GADL1: variants seen among roughly 807,000 people sequenced by gnomAD.
GADL1 encodes GAD like acidic amino acid decarboxylase 1, also known as acidic amino acid decarboxylase GADL1.
In GADL1, 71 loss-of-function variants were observed where a neutral mutation model predicts 69.5. The ratio of observed to expected loss-of-function variants is 1.02; its 90% CI spans 0.84 to 1.25. The LOEUF is 1.25. Among genes scored for constraint, GADL1 ranks in the 50% most tolerant of loss-of-function variants. GADL1 has a pLI of 0.00. For synonymous variants in GADL1, 254 were observed against 214.4 expected (o/e 1.18, Z -1.62); for missense variants, 737 against 631.8 (o/e 1.17, Z -1.79).
At chr3:30,739,414 C>T (rs147405879) in intron 14 of GADL1, among the ~76,000 whole-genome samples, 92 of 152,238 alleles carry the variant, frequency 6.0e-4, no homozygotes, top group Non-Finnish European at 1.1e-3. Flanking sequence ...TGTATCTTAT[C>T]TTGTTTATAG....
chr3:30,747,885 A>G (rs1695731892), intron 14 of GADL1, among the ~76,000 whole-genome samples: 1 of 152,138 alleles, frequency 6.6e-6, no homozygotes, highest in Non-Finnish European at 1.5e-5. Flanking sequence ...TTCCTGATTC[A>G]CAGCACCAGC....
At chr3:30,829,897 C>T (rs1697759350) in intron 11 of GADL1, among the ~76,000 whole-genome samples, 1 of 151,644 alleles carries the variant, frequency 6.6e-6, no homozygotes, top group Non-Finnish European at 1.5e-5. Context: ...CAAATAGTAA[C>T]TATATAAGCA....
intron 1 of GADL1, among the ~76,000 whole-genome samples, chr3:30,867,597 C>T (rs991513963): frequency 2.6e-5 from 4 of 151,730 alleles, no homozygotes; most frequent in East Asian, 1.9e-4. Flanking sequence ...GGGTTTAATT[C>T]AGTTGAATTG....
Position 30,857,120 on chromosome 3 carries a change from C to T in GADL1, c.232G>A (p.Glu78Lys), listed in dbSNP as rs1698240919. 1.3e-6 allele frequency: 2 copies of T among 1,550,162 alleles called. No homozygotes were observed. The highest frequency in any genetic ancestry group is 2.0e-5 in the Admixed American group (1 of 50,926). ...AAATCAAGAAGCTGTTTCAGTTGTT[C>T]AGGAGGCCTCCATTCACACACCTGG... ...NEKVCEWRPP[E>K]QLKQLLDLEM... Residue 78 changes from glutamate to lysine, a missense_variant, in exon 3 of 15, where the codon GAA becomes AAA. Glu to Lys is a moderately conservative substitution (Grantham distance 56). Transcript: ENST00000282538.
intron 1 of GADL1, among the ~76,000 whole-genome samples, chr3:30,888,440 C>A (rs1202909352): frequency 1.3e-5 from 2 of 152,078 alleles, no homozygotes; most frequent in African/African-American, 2.4e-5. Flanking sequence ...CCTCAGGAAT[C>A]CTCAGAAGCT....
At chr3:30,827,381 T>C (rs72849879) in intron 11 of GADL1, among the ~76,000 whole-genome samples, 33,592 of 151,108 alleles carry the variant, frequency 0.22, 8,493 homozygotes, top group African/African-American at 0.6. Flanking sequence ...GATAGTACAA[T>C]CACAATTACA....
rs751804637 is a variant in GADL1 at position 30,844,399 on chromosome 3, T to A, written c.719A>T (p.Glu240Val). The A allele has an allele frequency of 6.2e-7, 1 of 1,613,058 alleles. No individual in the cohort carries two copies. Among genetic ancestry groups the A allele is most frequent in the Admixed American group, 1.7e-5 (1 of 60,024 alleles). ...GIGTENVCFV[E>V]TDGRGKMIPE... ...CTGTTCCCATTACCTTCCATCTGTT[T>A]CCACAAAGCAAACATTCTCAGTGCC... Residue 240 changes from glutamate (E) to valine (V), a missense_variant, in exon 7 of 15, where the codon GAA becomes GTA. Physicochemically the swap from Glu to Val is moderately radical, Grantham distance 121 (BLOSUM62 -2). Coordinates refer to ENST00000282538, the MANE Select transcript of GADL1 (RefSeq NM_207359.3).
intron 13 of GADL1, among the ~76,000 whole-genome samples, chr3:30,780,812 T>C (rs1401384051): frequency 6.6e-6 from 1 of 152,200 alleles, no homozygotes; most frequent in Non-Finnish European, 1.5e-5. Flanking sequence ...CTTCACTTCA[T>C]TGGAAGAAAT....
intron 11 of GADL1, among the ~76,000 whole-genome samples, chr3:30,830,594 A>G (rs1226398037): frequency 6.6e-6 from 1 of 151,844 alleles, no homozygotes; most frequent in Admixed American, 6.6e-5. Flanking sequence ...TCAATGCTAA[A>G]GTTTTTCAGG....
Position 30,865,950 on chromosome 3 carries a change from A to T in GADL1, c.38-4185T>A, listed in dbSNP as rs529855833. Among the ~76,000 whole-genome samples, 46 of 152,058 alleles carry T rather than the reference A, an allele frequency of 3.0e-4. No homozygotes were observed. In the South Asian group the frequency reaches 3.3e-3, roughly 11 times the overall value. On this transcript the variant is annotated intron_variant, in intron 1 of 14. Coordinates refer to ENST00000282538, the MANE Select transcript of GADL1 (RefSeq NM_207359.3). ...CATAGCTTCCAAAATTCTGTATAGG[A>T]TCAACTTTTGCTTTGTTCAGAGAGA... is the stretch of plus-strand genomic sequence containing the variant.
At chr3:30,871,586 T>C (rs1698482179) in intron 1 of GADL1, among the ~76,000 whole-genome samples, 1 of 151,854 alleles carries the variant, frequency 6.6e-6, no homozygotes, top group African/African-American at 2.4e-5. Context: ...AATCACTCTG[T>C]GCATCAGCAC....
chr3:30,756,957 G>A (rs903368002), intron 14 of GADL1, among the ~76,000 whole-genome samples: 1 of 152,170 alleles, frequency 6.6e-6, no homozygotes, highest in African/African-American at 2.4e-5. Context: ...GGGGGGACAT[G>A]TCAAAGGAGA....
intron 2 of GADL1, among the ~76,000 whole-genome samples, chr3:30,857,715 A>G (rs1698252328): frequency 6.6e-6 from 1 of 151,954 alleles, no homozygotes; most frequent in Non-Finnish European, 1.5e-5. Flanking sequence ...CTTTCAAAGT[A>G]AAACCTGAGG....
At chr3:30,794,332 A>G (rs1575208531) in intron 12 of GADL1, among the ~76,000 whole-genome samples, 1 of 152,280 alleles carries the variant, frequency 6.6e-6, no homozygotes, top group South Asian at 2.1e-4. Flanking sequence ...TGACTCTTCT[A>G]GCCTGCTTGA....
intron 14 of GADL1, among the ~76,000 whole-genome samples, chr3:30,755,736 AATT>A (rs952504616): frequency 1.3e-5 from 2 of 148,236 alleles, no homozygotes; most frequent in Non-Finnish European, 3.0e-5. Flanking sequence ...TTCAATAAAT[AATT>A]GTTAAACGAA....
chr3:30,761,160 C>CAATATAAAGA (rs1696119664), intron 14 of GADL1, among the ~76,000 whole-genome samples: 1 of 152,176 alleles, frequency 6.6e-6, no homozygotes, highest in East Asian at 1.9e-4. Flanking sequence ...GCTTTATTTA[C>CAATATAAAGA]TTTAATAAAA....
intron 14 of GADL1, among the ~76,000 whole-genome samples, chr3:30,768,165 C>T (rs1696329533): frequency 6.6e-6 from 1 of 151,912 alleles, no homozygotes; most frequent in Admixed American, 6.6e-5. Flanking sequence ...TAATCAGGCT[C>T]AAAGCTGCAT....
intron 11 of GADL1, among the ~76,000 whole-genome samples, chr3:30,815,878 A>G (rs898076255): frequency 1.3e-5 from 2 of 152,142 alleles, no homozygotes; most frequent in African/African-American, 2.4e-5. Context: ...AAAAGCATGG[A>G]TTGCGGACTA....
chr3:30,795,028 A>T (rs1697004163), intron 12 of GADL1, among the ~76,000 whole-genome samples: 1 of 152,170 alleles, frequency 6.6e-6, no homozygotes, highest in South Asian at 2.1e-4. Flanking sequence ...TTTTAGCTAT[A>T]AGAGCCTGCC....
Sources: allele counts gnomAD v4.1 joint callset (sites outside exome capture counted in the v4.1 genomes callset), GRCh38; gene constraint gnomAD v4.1.1; transcripts MANE v1.5; gene names NCBI Gene and HGNC (gene_info 2026-07-23, HGNC 2026-07-21).